EPHB1: variants seen among roughly 807,000 people sequenced by gnomAD.
EPHB1 encodes the protein ephrin type-B receptor 1.
In EPHB1, 30 loss-of-function variants were observed where a neutral mutation model predicts 94.4. The observed-to-expected ratio is 0.32, with a 90% CI of 0.24 to 0.43. The LOEUF is 0.43. Ranked by LOEUF, EPHB1 falls within the 20% of genes least tolerant of loss-of-function variation. EPHB1 has a pLI of 1.00. For synonymous variants in EPHB1, 522 were observed against 489.1 expected, an observed-to-expected ratio of 1.07 and a Z score of -0.89; for missense variants, 1,055 against 1,308.3, an observed-to-expected ratio of 0.81 and a Z score of 2.99.
chr3:134,852,601 G>A (rs1447982954), intron 1 of EPHB1: 1 of 152,236 alleles, frequency 6.6e-6, no homozygotes, highest in African/African-American at 2.4e-5. Context: ...CATTTGGAGA[G>A]GGTAAAGTCA....
At chr3:135,024,389 T>C (rs550008206) in intron 3 of EPHB1, among the ~76,000 whole-genome samples, 65 of 152,372 alleles carry the variant, frequency 4.3e-4, no homozygotes, top group African/African-American at 1.6e-3. Context: ...ATACAACTTT[T>C]ACTTCTTCTG....
At chr3:135,012,744 G>A (rs1289975111) in intron 3 of EPHB1, among the ~76,000 whole-genome samples, 1 of 152,162 alleles carries the variant, frequency 6.6e-6, no homozygotes, top group Non-Finnish European at 1.5e-5. Context: ...AGGAGGTCAA[G>A]CCTGTGAGGA....
chr3:134,878,457 C>G (rs11718320), intron 1 of EPHB1, among the ~76,000 whole-genome samples: 2 of 152,054 alleles, frequency 1.3e-5, no homozygotes, highest in African/African-American at 4.8e-5. Flanking sequence ...CTGAAGAGGT[C>G]GACATCGTCA....
chr3:134,987,019 G>A (rs563607756), intron 3 of EPHB1, among the ~76,000 whole-genome samples: 341 of 152,052 alleles, frequency 2.2e-3, no homozygotes, highest in Non-Finnish European at 3.7e-3. Flanking sequence ...TAGAATGAAG[G>A]GCATCCCTTT....
intron 2 of EPHB1, among the ~76,000 whole-genome samples, chr3:134,930,841 G>C (rs1215572499): frequency 2.0e-5 from 3 of 152,144 alleles, no homozygotes; most frequent in Non-Finnish European, 4.4e-5. Flanking sequence ...TTTTAAGCCT[G>C]TGGGGCTTTG....
At chr3:135,030,977 C>T (rs1406565391) in intron 3 of EPHB1, among the ~76,000 whole-genome samples, 1 of 152,152 alleles carries the variant, frequency 6.6e-6, no homozygotes, top group African/African-American at 2.4e-5. Flanking sequence ...GTGGGTGTGA[C>T]CCTATTCTCC....
chr3:134,873,577 T>C (rs1392896705), intron 1 of EPHB1, among the ~76,000 whole-genome samples: 1 of 152,236 alleles, frequency 6.6e-6, no homozygotes, highest in African/African-American at 2.4e-5. Flanking sequence ...AGGTTCTTCT[T>C]TGAGCTGTCT....
intron 2 of EPHB1, among the ~76,000 whole-genome samples, chr3:134,944,109 T>G (rs972281083): frequency 6.6e-6 from 1 of 152,190 alleles, no homozygotes; most frequent in African/African-American, 2.4e-5. Context: ...TATGCCAGTT[T>G]GTAGTCGCTC....
At chr3:134,826,251 C>A (rs1242778130) in intron 1 of EPHB1, among the ~76,000 whole-genome samples, 88 of 118,996 alleles carry the variant, frequency 7.4e-4, no homozygotes, top group African/African-American at 1.6e-3. Context: ...GACTCCATCT[C>A]AAAAAAAAAA....
At chr3:135,255,295 T>C (rs960825266) in intron 15 of EPHB1, among the ~76,000 whole-genome samples, 1 of 152,132 alleles carries the variant, frequency 6.6e-6, no homozygotes, top group Non-Finnish European at 1.5e-5. Context: ...GTTCTTTTAA[T>C]TGTGATGTTT....
At chr3:134,973,295 G>A (rs957229571) in intron 3 of EPHB1, among the ~76,000 whole-genome samples, 4 of 152,174 alleles carry the variant, frequency 2.6e-5, no homozygotes, top group Non-Finnish European at 4.4e-5. Context: ...GTGAAGGGCA[G>A]GGTTGACCAA....
intron 15 of EPHB1, among the ~76,000 whole-genome samples, 181 bp from the exon 16 acceptor site, chr3:135,258,831 A>G (rs565083866): frequency 6.6e-6 from 1 of 152,320 alleles, no homozygotes; most frequent in South Asian, 2.1e-4. Flanking sequence ...ATTAGAGAAG[A>G]AGGAGAAAGT....
At chr3:134,882,799 TTTCTTTC>T (rs2037778965) in intron 1 of EPHB1, among the ~76,000 whole-genome samples, 1 of 73,012 alleles carries the variant, frequency 1.4e-5, no homozygotes, top group South Asian at 6.9e-4. Context: ...TCTTTCTTTC[TTTCTTTC>T]TTTCTTTCTT....
intron 6 of EPHB1, among the ~76,000 whole-genome samples, chr3:135,157,059 A>G (rs1054827133): frequency 3.3e-5 from 5 of 152,326 alleles, no homozygotes; most frequent in Middle Eastern, 6.8e-3. Context: ...CTCACATGCC[A>G]GTGTGGTAAA....
chr3:135,246,939 AAACT>A lies in EPHB1; in HGVS notation c.2497-1372_2497-1369del, dbSNP rs200063287. 9.5e-3 allele frequency among the ~76,000 whole-genome samples: 1,432 copies of A among 150,344 alleles called. 11 individuals are homozygous for A. The highest frequency in any genetic ancestry group is 0.068 in the Middle Eastern group (20 of 294). The stretch of plus-strand genomic sequence containing the variant: ...ACTATGCATAGAAACTGTAAAAACT[AAACT>A]AACTGAAAATACTCACTTTTTGACC... On this transcript the variant is annotated intron_variant, in intron 13 of 15. Transcript: ENST00000398015.
chr3:135,172,525 T>A (rs1941833959), intron 9 of EPHB1, among the ~76,000 whole-genome samples: 1 of 152,196 alleles, frequency 6.6e-6, no homozygotes, highest in Non-Finnish European at 1.5e-5. Flanking sequence ...GCATGTCTAG[T>A]TCCAAGATTC....
At chr3:134,820,486 A>C (rs2036359177) in intron 1 of EPHB1, among the ~76,000 whole-genome samples, 1 of 152,172 alleles carries the variant, frequency 6.6e-6, no homozygotes. Context: ...TATGAAGAGA[A>C]GAATCGGGGG....
intron 3 of EPHB1, among the ~76,000 whole-genome samples, chr3:135,065,767 T>C (rs1013902825): frequency 6.6e-6 from 1 of 152,326 alleles, no homozygotes; most frequent in South Asian, 2.1e-4. Context: ...TTTTGCTTTT[T>C]AAATTGTACT....
chr3:135,235,389 A>C (rs1576489261), intron 12 of EPHB1, among the ~76,000 whole-genome samples: 1 of 152,328 alleles, frequency 6.6e-6, no homozygotes, highest in East Asian at 1.9e-4. Flanking sequence ...GCCCTACCCC[A>C]GAACTAGTAA....
Sources: gnomAD v4.1 joint callset for allele counts (sites outside exome capture counted in the v4.1 genomes callset) on GRCh38, gnomAD v4.1.1 for gene constraint, MANE v1.5 for transcripts, NCBI Gene and HGNC (gene_info 2026-07-23, HGNC 2026-07-21) for gene names.